GINS2: variants seen among roughly 807,000 people sequenced by gnomAD.
GINS2 encodes GINS complex subunit 2, also known as DNA replication complex GINS protein PSF2.
Under a neutral mutation model 21.2 loss-of-function variants are expected in GINS2, and 23 were observed. That is an observed-to-expected ratio of 1.08 (90% CI 0.78 to 1.53). The LOEUF (loss-of-function observed/expected upper bound fraction) is 1.53. Ranked by LOEUF, GINS2 falls within the 40% of genes most tolerant of loss-of-function variation. The probability of loss-of-function intolerance (pLI) is 0.00; values close to 1 mark genes in which losing one functional copy is unlikely to be tolerated. For synonymous variants in GINS2, 118 were observed against 85.6 expected, an observed-to-expected ratio of 1.38 and a Z score of -2.09; for missense variants, 323 against 233.9, an observed-to-expected ratio of 1.38 and a Z score of -2.49.
chr16:85,678,372 G>T, intron 4 of GINS2, 35 bp from the exon 5 acceptor site: 1 of 1,610,890 alleles, frequency 6.2e-7, no homozygotes. Context: ...TGGCCAAGGA[G>T]TTTTTGATTT....
chr16:85,687,728 G>A, intron 1 of GINS2, 154 bp from the exon 2 acceptor site: 1 of 435,928 alleles, frequency 2.3e-6, no homozygotes, highest in East Asian at 3.3e-5. Flanking sequence ...TCAGAACAAA[G>A]CGCCTCCTGA....
At chr16:85,685,681 A>ACAAAAACAAAAAAAAAAAAACAAC (rs1205519766) in intron 2 of GINS2, among the ~76,000 whole-genome samples, 1 of 147,950 alleles carries the variant, frequency 6.8e-6, no homozygotes, top group African/African-American at 2.5e-5. Flanking sequence ...AAAAAAAAAA[A>ACAAAAACAAAAAAAAAAAAACAAC]AAAAAAAAAA....
intron 2 of GINS2, among the ~76,000 whole-genome samples, chr16:85,685,411 C>A (rs753850272): frequency 6.6e-6 from 1 of 151,886 alleles, no homozygotes; most frequent in Non-Finnish European, 1.5e-5. Context: ...GGCAACAGCT[C>A]ACATCTGTAA....
chr16:85,684,353 G>T (rs1451245790), intron 2 of GINS2, among the ~76,000 whole-genome samples: 1 of 151,946 alleles, frequency 6.6e-6, no homozygotes, highest in Non-Finnish European at 1.5e-5. Flanking sequence ...AAATGAGCTG[G>T]GCACATTGAT....
intron 2 of GINS2, among the ~76,000 whole-genome samples, chr16:85,685,998 C>CA (rs1410708808): frequency 2.8e-5 from 4 of 143,026 alleles, no homozygotes; most frequent in African/African-American, 1.0e-4. Context: ...CCAACACACA[C>CA]AAAAAAATTA....
intron 2 of GINS2, among the ~76,000 whole-genome samples, chr16:85,684,522 C>G (rs960709815): frequency 2.0e-5 from 3 of 151,652 alleles, no homozygotes; most frequent in African/African-American, 7.3e-5. Context: ...TTTGTTAAAG[C>G]CAAAAAGGGG....
rs147472921 is a variant in GINS2 at position 85,684,465 on chromosome 16, C to T, written c.206-2784G>A. On this transcript the variant is annotated intron_variant, in intron 2 of 4. Transcript: ENST00000253462. ...CACTATGATCACACCTTTGAATAAC[C>T]ACTGCAATTCAGCCTGGGCAACAGA... Among the ~76,000 whole-genome samples the T allele has an allele frequency of 2.1e-3, 318 of 152,186 alleles. 1 individual carries two copies. In the Middle Eastern group the frequency reaches 0.061, roughly 29 times the overall value.
intron 2 of GINS2, among the ~76,000 whole-genome samples, chr16:85,682,292 G>A (rs184824511): frequency 2.6e-5 from 4 of 152,120 alleles, no homozygotes; most frequent in Non-Finnish European, 4.4e-5. Flanking sequence ...TGGGATTATA[G>A]GAGTGAGTCA....
At position 85,681,585 on chromosome 16, in the gene GINS2, T is replaced by C; in HGVS notation, c.302A>G (p.Asn101Ser). ...CTAAGAGGTGAGATCTACTTACTGATTTAACAGGAGCTTCGTAAGTTCCAT... is the reference window on the plus strand; with the variant it reads ...CTAAGAGGTGAGATCTACTTACTGACTTAACAGGAGCTTCGTAAGTTCCAT... The part of the protein sequence containing the change: ...YYMELTKLLL[N>S]HASDNIPKAD... Residue 101 changes from asparagine (N) to serine (S), a missense_variant, in exon 3 of 5, where the codon AAT (asparagine) becomes AGT (serine). Transcript: ENST00000253462. The C allele has an allele frequency of 6.3e-7, 1 of 1,588,902 alleles. No individual in the cohort carries two copies. Among genetic ancestry groups the C allele is most frequent in the Non-Finnish European group, 8.6e-7 (1 of 1,157,446 alleles).
At chr16:85,678,413 A>C (rs942410596) in intron 4 of GINS2, 76 bp from the exon 5 acceptor site, 3 of 1,572,260 alleles carry the variant, frequency 1.9e-6, no homozygotes, top group East Asian at 2.2e-5. Flanking sequence ...CTGAATAAAA[A>C]TAAGAAACCA....
chr16:85,688,731 C>T (rs1452685125), intron 1 of GINS2, 78 bp downstream of exon 1: 4 of 791,862 alleles, frequency 5.1e-6, no homozygotes, highest in Non-Finnish European at 7.6e-6. Context: ...AGCCCGCGAC[C>T]CCGGGGCTGA....
chr16:85,681,763 A>G (rs992545988), intron 2 of GINS2, 82 bp from the exon 3 acceptor site: 2 of 796,744 alleles, frequency 2.5e-6, no homozygotes, highest in Non-Finnish European at 4.2e-6. Context: ...AAGTGCCTAT[A>G]TTATCTGGCA....
intron 2 of GINS2, among the ~76,000 whole-genome samples, chr16:85,682,698 C>G (rs144698048): frequency 2.5e-4 from 38 of 152,254 alleles, no homozygotes; most frequent in African/African-American, 9.2e-4. Context: ...CAGCTGTATC[C>G]AATTCCACCA....
intron 2 of GINS2, among the ~76,000 whole-genome samples, chr16:85,683,384 C>T (rs1379655552): frequency 6.6e-6 from 1 of 151,076 alleles, no homozygotes; most frequent in Non-Finnish European, 1.5e-5. Flanking sequence ...ATTTATACCC[C>T]CATCAGCCCC....
chr16:85,678,190 G>T lies in GINS2; in HGVS notation c.*22C>A, dbSNP rs371390941. 3.1e-6 allele frequency: 5 copies of T among 1,610,182 alleles called. No homozygotes were observed. In the East Asian group the frequency reaches 8.9e-5, roughly 29 times the overall value. On this transcript the variant is annotated 3_prime_UTR_variant, in exon 5 of 5. Transcript: ENST00000253462. Reference sequence around the variant, plus strand: ...CCTGAGCGCTCACATCCCCCAGCAAGCCGCCTGCACCAGGCCTTTCTCTAG... The same window carrying T: ...CCTGAGCGCTCACATCCCCCAGCAATCCGCCTGCACCAGGCCTTTCTCTAG...
At chr16:85,678,777 G>C in intron 3 of GINS2, 111 bp from the exon 4 acceptor site, 1 of 1,059,208 alleles carries the variant, frequency 9.4e-7, no homozygotes, top group Non-Finnish European at 1.4e-6. Flanking sequence ...GACTCAGAAA[G>C]TCTGTTTTGC....
At chr16:85,681,799 T>A in intron 2 of GINS2, 118 bp from the exon 3 acceptor site, 1 of 626,442 alleles carries the variant, frequency 1.6e-6, no homozygotes, top group Admixed American at 3.1e-5. Flanking sequence ...AGCAAATACA[T>A]GAAAAAACAT....
At chr16:85,685,140 T>C (rs1431713909) in intron 2 of GINS2, among the ~76,000 whole-genome samples, 1 of 152,058 alleles carries the variant, frequency 6.6e-6, no homozygotes, top group Non-Finnish European at 1.5e-5. Context: ...CAGCAGGCTG[T>C]TGGGTAGGGT....
At chr16:85,684,944 C>T (rs2053762493) in intron 2 of GINS2, among the ~76,000 whole-genome samples, 1 of 151,986 alleles carries the variant, frequency 6.6e-6, no homozygotes, top group South Asian at 2.1e-4. Context: ...GCCCACCAAA[C>T]ACCCAGCTAA....
Sources: gnomAD v4.1 joint callset for allele counts (sites outside exome capture counted in the v4.1 genomes callset) on GRCh38, gnomAD v4.1.1 for gene constraint, MANE v1.5 for transcripts, NCBI Gene and HGNC (gene_info 2026-07-23, HGNC 2026-07-21) for gene names.